MACROD2: variants seen among roughly 807,000 people sequenced by gnomAD.
The protein encoded by MACROD2 is ADP-ribose glycohydrolase MACROD2.
MACROD2 carries 36 observed loss-of-function variants against 70.4 expected under a neutral mutation model. The observed-to-expected ratio is 0.51, with a 90% CI of 0.39 to 0.68. MACROD2 has a LOEUF of 0.68. MACROD2 is among the 30% of genes least tolerant of loss of function. The pLI is 0.00. For missense variants in MACROD2, 496 were observed against 538.4 expected (o/e 0.92, Z 0.78); for synonymous variants, 172 against 178.8 (o/e 0.96, Z 0.30).
chr20:15,198,571 T>C (rs1180456957), intron 5 of MACROD2, among the ~76,000 whole-genome samples: 1 of 152,190 alleles, frequency 6.6e-6, no homozygotes, highest in Non-Finnish European at 1.5e-5. Flanking sequence ...TTCAATAAAA[T>C]ACTATATCAT....
intron 5 of MACROD2, among the ~76,000 whole-genome samples, chr20:14,770,700 C>A (rs761113732): frequency 6.6e-6 from 1 of 152,022 alleles, no homozygotes; most frequent in Non-Finnish European, 1.5e-5. Context: ...CATGTATTTA[C>A]TTGCCTAATT....
intron 8 of MACROD2, among the ~76,000 whole-genome samples, chr20:15,522,726 G>C (rs2146532442): frequency 6.6e-6 from 1 of 152,292 alleles, no homozygotes; most frequent in East Asian, 1.9e-4. Context: ...AAATAAATCA[G>C]AACTGAACAT....
intron 4 of MACROD2, among the ~76,000 whole-genome samples, chr20:14,638,462 A>G (rs1984904696): frequency 6.6e-6 from 1 of 152,032 alleles, no homozygotes; most frequent in Admixed American, 6.6e-5. Context: ...AGGCCTCGAC[A>G]GGATTATATA....
intron 5 of MACROD2, among the ~76,000 whole-genome samples, chr20:14,773,089 C>A (rs1438875043): frequency 6.6e-6 from 1 of 151,940 alleles, no homozygotes; most frequent in Admixed American, 6.6e-5. Context: ...AGAAAAATGG[C>A]GCTAGAAATC....
intron 4 of MACROD2, among the ~76,000 whole-genome samples, chr20:14,662,359 A>G (rs967241942): frequency 4.6e-5 from 7 of 152,184 alleles, no homozygotes; most frequent in Non-Finnish European, 7.3e-5. Context: ...AGAGACTTCA[A>G]TGTAAAACCC....
At chr20:16,041,601 G>A (rs1440092422) in intron 16 of MACROD2, among the ~76,000 whole-genome samples, 1 of 151,856 alleles carries the variant, frequency 6.6e-6, no homozygotes, top group African/African-American at 2.4e-5. Context: ...ACTTACTTCT[G>A]CAAAAGGTAC....
rs2075172466 is a variant in MACROD2, at chr20:15,021,178, A to ACG, written c.419-208762_419-208761insCG. Among the ~76,000 whole-genome samples, 4 of 92,750 alleles carry ACG rather than the reference A, an allele frequency of 4.3e-5. No individual in the cohort carries two copies. The South Asian group carries it at 9.1e-4, about 21-fold the overall frequency. 60.8% of individuals were successfully genotyped at this position (92,750 alleles called of 152,430 possible). ...CACCTGTGTGTATGTATACACATACAGGTGTGCGTATACACACACCTGTGT... is the reference window on the plus strand; with the variant it reads ...CACCTGTGTGTATGTATACACATACACGGGTGTGCGTATACACACACCTGTGT... On this transcript the variant is annotated intron_variant, in intron 5 of 17. Transcript: ENST00000684519.
chr20:15,064,778 C>T (rs911299217), intron 5 of MACROD2, among the ~76,000 whole-genome samples: 3 of 152,174 alleles, frequency 2.0e-5, no homozygotes, highest in Non-Finnish European at 2.9e-5. Flanking sequence ...CATTACACTC[C>T]GCAAAACGGC....
At chr20:15,122,739 C>G (rs2076039708) in intron 5 of MACROD2, among the ~76,000 whole-genome samples, 1 of 152,106 alleles carries the variant, frequency 6.6e-6, no homozygotes, top group South Asian at 2.1e-4. Flanking sequence ...CACTCCACCC[C>G]CAAACTAAAC....
intron 5 of MACROD2, among the ~76,000 whole-genome samples, chr20:14,853,153 A>T (rs2122321575): frequency 9.6e-6 from 1 of 103,716 alleles, no homozygotes; most frequent in East Asian, 2.4e-4. Flanking sequence ...CTGAGGTGTG[A>T]ACAGTGTGTG....
intron 8 of MACROD2, among the ~76,000 whole-genome samples, chr20:15,830,342 C>T (rs1415364514): frequency 1.3e-5 from 2 of 152,190 alleles, no homozygotes; most frequent in Non-Finnish European, 2.9e-5. Context: ...CTCTCTGAAT[C>T]AATACATGCC....
intron 3 of MACROD2, among the ~76,000 whole-genome samples, chr20:14,311,392 T>TATACCATATC (rs2082565756): frequency 3.3e-5 from 5 of 152,184 alleles, no homozygotes; most frequent in African/African-American, 1.2e-4. Flanking sequence ...ATCCTAGGTG[T>TATACCATATC]GTAGTAGGCT....
Position 14,326,166 on chromosome 20 carries a change from C to G in MACROD2, c.272-167313C>G. 1 of 1,613,810 alleles carries G rather than the reference C, an allele frequency of 6.2e-7. No homozygotes were observed. Among genetic ancestry groups the G allele is most frequent in the African/African-American group, 1.3e-5 (1 of 75,008 alleles). On this transcript the variant is annotated intron_variant, in intron 3 of 17. Coordinates refer to ENST00000684519, the MANE Select transcript of MACROD2 (RefSeq NM_001351661.2). This position sits in a 1 kb window ranked among gnomAD's most constrained non-coding sequence, Gnocchi z 5.5. ...TTGTTTCTGTTATAGATCCAAATGCCGGGCTATGGCCCAGTTTAAGCCAGC... is the reference window on the plus strand; with the variant it reads ...TTGTTTCTGTTATAGATCCAAATGCGGGGCTATGGCCCAGTTTAAGCCAGC...
At chr20:15,439,591 C>A (rs2046469460) in intron 7 of MACROD2, among the ~76,000 whole-genome samples, 2 of 152,162 alleles carry the variant, frequency 1.3e-5, no homozygotes, top group Admixed American at 1.3e-4. Context: ...GTGAAACCAC[C>A]TTAGCCTTTT....
At chr20:14,605,888 G>A (rs569890341) in intron 4 of MACROD2, among the ~76,000 whole-genome samples, 3 of 152,140 alleles carry the variant, frequency 2.0e-5, no homozygotes, top group Non-Finnish European at 2.9e-5. Flanking sequence ...CACCTGTTAG[G>A]AAATGCAGAT....
chr20:14,234,706 A>C (rs1028920870), intron 3 of MACROD2, among the ~76,000 whole-genome samples: 15 of 152,212 alleles, frequency 9.9e-5, no homozygotes, highest in Non-Finnish European at 1.5e-4. Flanking sequence ...CTGTACATGC[A>C]CACCCATCAC....
intron 8 of MACROD2, among the ~76,000 whole-genome samples, chr20:15,568,754 A>C (rs2048341148): frequency 6.6e-6 from 1 of 152,206 alleles, no homozygotes; most frequent in African/African-American, 2.4e-5. Context: ...CATCAAACTC[A>C]GACTTGGGGC....
intron 3 of MACROD2, among the ~76,000 whole-genome samples, chr20:14,416,318 A>C (rs1304616305): frequency 1.3e-5 from 2 of 152,156 alleles, no homozygotes; most frequent in African/African-American, 2.4e-5. Flanking sequence ...AATTAATCCA[A>C]GCTTGTCTTC....
intron 5 of MACROD2, among the ~76,000 whole-genome samples, chr20:14,753,149 C>A (rs1490811689): frequency 6.6e-6 from 1 of 152,072 alleles, no homozygotes; most frequent in Non-Finnish European, 1.5e-5. Flanking sequence ...GACAGAAAAC[C>A]CCTGCCTCTA....
Sources: gnomAD v4.1 joint callset for allele counts (sites outside exome capture counted in the v4.1 genomes callset) on GRCh38, gnomAD v4.1.1 for gene constraint, Gnocchi (gnomAD v3.1) non-coding constraint, MANE v1.5 for transcripts, NCBI Gene and HGNC (gene_info 2026-07-23, HGNC 2026-07-21) for gene names.